Variants in COL25A1 observed in about 807,000 individuals in gnomAD.
The protein encoded by COL25A1 is collagen type XXV alpha 1 chain.
Under a neutral mutation model 128.4 loss-of-function variants are expected in COL25A1, and 103 were observed. That is an observed-to-expected ratio of 0.80 (90% confidence interval 0.68 to 0.94). The LOEUF (loss-of-function observed/expected upper bound fraction) is 0.94. Ranked by LOEUF, COL25A1 falls within the 40% of genes least tolerant of loss-of-function variation. COL25A1 has a pLI of 0.00. For synonymous variants in COL25A1, 279 were observed against 277.2 expected (o/e 1.01, Z -0.06); for missense variants, 745 against 840.0 (o/e 0.89, Z 1.40).
rs1167443694 is a variant in COL25A1 at position 108,852,248 on chromosome 4, T to C, written c.1377A>G (p.Leu459=). 1 of 1,605,708 alleles carries C rather than the reference T, an allele frequency of 6.2e-7. No individual in the cohort carries two copies. ...GPPGPPGPQG[L]QGPKGEQGSP... ...AATAAAGAATAACCTTTGGCCCTTG[T>C]AGTCCTTGAGGTCCAGGAGGTCCAG... The change falls in exon 26 of 38, where the codon CTA becomes CTG. Residue 459 remains leucine (L), a synonymous_variant. Transcript: ENST00000399132.
Position 109,079,640 on chromosome 4 carries a change from G to A in COL25A1, c.368-29461C>T, listed in dbSNP as rs143134482. On this transcript the variant is annotated intron_variant, in intron 3 of 37. Coordinates refer to ENST00000399132, the MANE Select transcript of COL25A1 (RefSeq NM_198721.4). The stretch of plus-strand genomic sequence containing the variant: ...AAGGAGCTAATTCTGGCTTATAGGA[G>A]GCAGCAGCTGAGAAAATTGAATCTC... Among the ~76,000 whole-genome samples the A allele has an allele frequency of 3.7e-4, 56 of 152,070 alleles. 2 individuals are homozygous for A. In the East Asian group the frequency reaches 9.7e-3, roughly 26 times the overall value.
At position 109,124,744 on chromosome 4, in the gene COL25A1, A is replaced by C. The variant is rs181825158; in HGVS notation, c.368-74565T>G. Reference sequence around the variant, plus strand: ...AAAGATTTCTACCCAAAATCAAATGAGCAAAACAAAGAATTATATAGCCAA... The same window carrying C: ...AAAGATTTCTACCCAAAATCAAATGCGCAAAACAAAGAATTATATAGCCAA... On this transcript the variant is annotated intron_variant, in intron 3 of 37. Transcript: ENST00000399132. Among the ~76,000 whole-genome samples, 244 of 152,168 alleles carry C rather than the reference A, an allele frequency of 1.6e-3. 1 individual carries two copies. Among genetic ancestry groups the C allele is most frequent in the African/African-American group, 5.5e-3 (228 of 41,548 alleles).
At position 108,941,380 on chromosome 4, in the gene COL25A1, G is replaced by T; in HGVS notation, c.550C>A (p.Arg184Ser). The change falls in exon 9 of 38, where the codon CGC becomes AGC. Residue 184 changes from arginine to serine, a missense_variant. This residue lies in a region of COL25A1 where 319 missense variants were observed against 324.9 expected (regional missense o/e 0.98). Transcript: ENST00000399132. ...FLSADQQLIK[R>S]RLIKGDQGQA... The stretch of plus-strand genomic sequence containing the variant: ...ATAAGCACTACCTTAATCAGGCGGC[G>T]TTTAATGAGCTGCTGATCAGCAGAG... 1 of 1,613,808 alleles carries T rather than the reference G, an allele frequency of 6.2e-7. No homozygotes were observed. Among genetic ancestry groups the T allele is most frequent in the South Asian group, 1.1e-5 (1 of 91,072 alleles).
chr4:108,852,299 C>T lies in COL25A1; in HGVS notation c.1345-19G>A, dbSNP rs767331276. On this transcript the variant is annotated intron_variant, in intron 25 of 37. Transcript: ENST00000399132. ...GGGGACCCTAAATCAAGAAAAAGCACAGTTTTTAAAAGTAGTAATTATATG... is the reference window on the plus strand; with the variant it reads ...GGGGACCCTAAATCAAGAAAAAGCATAGTTTTTAAAAGTAGTAATTATATG... 10 of 1,586,484 alleles carry T rather than the reference C, an allele frequency of 6.3e-6. No homozygotes were observed. The highest frequency in any genetic ancestry group is 8.6e-6 in the Non-Finnish European group (10 of 1,167,288).
intron 3 of COL25A1, among the ~76,000 whole-genome samples, chr4:109,199,456 T>C (rs1776381056): frequency 1.3e-5 from 2 of 152,254 alleles, no homozygotes; most frequent in African/African-American, 4.8e-5. Context: ...AAATTGGAAT[T>C]GCATTTCTGA....
Position 108,813,821 on chromosome 4 carries a change from A to G in COL25A1, c.*106T>C. 1.2e-6 allele frequency: 1 copy of G among 861,072 alleles called. No individual in the cohort carries two copies. 53.3% of individuals were successfully genotyped at this position (861,072 alleles called of 1,614,324 possible). Reference sequence around the variant, plus strand: ...ACTGCCAGCAGGAAGAAGCAGCCCTATGTAAACATATCTCAGACTTGTAAA... The same window carrying G: ...ACTGCCAGCAGGAAGAAGCAGCCCTGTGTAAACATATCTCAGACTTGTAAA... On this transcript the variant is annotated 3_prime_UTR_variant, in exon 38 of 38. Transcript: ENST00000399132.
chr4:108,855,378 CT>C (rs71594153), intron 24 of COL25A1, among the ~76,000 whole-genome samples: 9 of 149,734 alleles, frequency 6.0e-5, no homozygotes, highest in African/African-American at 2.2e-4. Flanking sequence ...GGTAAAGCTA[CT>C]TTTTTTTTGT....
intron 3 of COL25A1, among the ~76,000 whole-genome samples, chr4:109,222,551 T>C (rs1345799403): frequency 6.6e-6 from 1 of 152,194 alleles, no homozygotes; most frequent in Non-Finnish European, 1.5e-5. Flanking sequence ...AGTAATCAAT[T>C]TTAATAATTA....
At chr4:109,092,412 G>C (rs577845159) in intron 3 of COL25A1, among the ~76,000 whole-genome samples, 1 of 152,282 alleles carries the variant, frequency 6.6e-6, no homozygotes, top group South Asian at 2.1e-4. Flanking sequence ...TTGAGCCCAG[G>C]AGTCTGAGGC....
Position 108,844,559 on chromosome 4 carries a change from G to A in COL25A1, c.1589C>T (p.Pro530Leu). ...GCCATGGGGACCTGGTGGGCCTGGT[G>A]GGCCTATGATCTGTATGTCCAAAAA... is the stretch of plus-strand genomic sequence containing the variant. ...PGPQGPSIIG[P>L]PGPPGPHGPP... The change falls in exon 30 of 38, where the codon CCA becomes CTA. Residue 530 changes from proline (P) to leucine (L), a missense_variant. Around this residue, in one of 3 missense-constraint regions of COL25A1, gnomAD observed 387 missense variants for 441.9 expected, o/e 0.88. Coordinates refer to ENST00000399132, the MANE Select transcript of COL25A1 (RefSeq NM_198721.4). 2 of 1,613,474 alleles carry A rather than the reference G, an allele frequency of 1.2e-6. No homozygotes were observed. The highest frequency in any genetic ancestry group is 1.3e-5 in the African/African-American group (1 of 74,968).
intron 8 of COL25A1, among the ~76,000 whole-genome samples, chr4:108,947,092 G>A (rs937849640): frequency 3.9e-5 from 6 of 152,142 alleles, no homozygotes; most frequent in Non-Finnish European, 8.8e-5. Flanking sequence ...TAGATTCACT[G>A]AATTTGAGAT....
chr4:109,170,618 G>C (rs1253671090), intron 3 of COL25A1, among the ~76,000 whole-genome samples: 2 of 152,098 alleles, frequency 1.3e-5, no homozygotes, highest in Non-Finnish European at 2.9e-5. Context: ...GGATGGATAA[G>C]GAGATCATGA....
rs568783960 is a variant in COL25A1 at position 109,269,533 on chromosome 4, G to A, written c.367+31050C>T. 8.1e-3 allele frequency among the ~76,000 whole-genome samples: 1,206 copies of A among 149,780 alleles called. 22 individuals are homozygous for A. The highest frequency in any genetic ancestry group is 0.029 in the African/African-American group (1,144 of 39,986). On this transcript the variant is annotated intron_variant, in intron 3 of 37. Transcript: ENST00000399132. ...ACTGACTTCCACAATGGTTGAACTAGTTTACAGTCCTACCAACAGTGTAAA... is the reference window on the plus strand; with the variant it reads ...ACTGACTTCCACAATGGTTGAACTAATTTACAGTCCTACCAACAGTGTAAA...
At chr4:108,923,490 C>G (rs767964994) in intron 11 of COL25A1, among the ~76,000 whole-genome samples, 1 of 150,606 alleles carries the variant, frequency 6.6e-6, no homozygotes, top group East Asian at 1.9e-4. Flanking sequence ...GGACTACAAG[C>G]ACATGTCACC....
chr4:109,089,491 A>T (rs1221705796), intron 3 of COL25A1, among the ~76,000 whole-genome samples: 12 of 152,224 alleles, frequency 7.9e-5, no homozygotes, highest in African/African-American at 2.7e-4. Context: ...CTTTTTCCAT[A>T]ACACAAAGGT....
intron 31 of COL25A1, chr4:108,834,305 A>G: frequency 6.5e-7 from 1 of 1,538,130 alleles, no homozygotes; most frequent in Non-Finnish European, 8.8e-7. Context: ...GCTGAAGCAC[A>G]TGATTCACAG....
chr4:109,187,887 A>G (rs1024785682), intron 3 of COL25A1, among the ~76,000 whole-genome samples: 2 of 152,198 alleles, frequency 1.3e-5, no homozygotes, highest in African/African-American at 4.8e-5. Context: ...CCCTTTCCTC[A>G]TTCTTCCTAC....
rs1461053803 is a variant in COL25A1, at chr4:108,869,078, G to A, written c.1083+10C>T. The A allele has an allele frequency of 7.0e-7, 1 of 1,434,318 alleles. No homozygotes were observed. The highest frequency in any genetic ancestry group is 1.2e-5 in the South Asian group (1 of 82,130). 88.8% of individuals were successfully genotyped at this position (1,434,318 alleles called of 1,614,324 possible). On this transcript the variant is annotated intron_variant, in intron 20 of 37. Coordinates refer to ENST00000399132, the MANE Select transcript of COL25A1 (RefSeq NM_198721.4). ...AAGAAAGAAAGAAGGAAAGAAAGAG[G>A]CCCACTTACTTTTGTTCCTGGTAAA...
At chr4:108,918,570 T>TA (rs1166369184) in intron 12 of COL25A1, among the ~76,000 whole-genome samples, 3 of 152,222 alleles carry the variant, frequency 2.0e-5, no homozygotes, top group Non-Finnish European at 2.9e-5. Context: ...CCAGTAGCAG[T>TA]AACACTTGCA....
Sources: gnomAD v4.1 joint callset for allele counts (sites outside exome capture counted in the v4.1 genomes callset) on GRCh38, gnomAD v4.1.1 for gene constraint, gnomAD v4.1.1 regional missense constraint, MANE v1.5 for transcripts, NCBI Gene and HGNC (gene_info 2026-07-23, HGNC 2026-07-21) for gene names.